PLEKHA7: variants seen among roughly 807,000 people sequenced by gnomAD.
PLEKHA7 encodes pleckstrin homology domain-containing family A member 7.
PLEKHA7 carries 104 observed loss-of-function variants against 170.0 expected under a neutral mutation model. The ratio of observed to expected loss-of-function variants is 0.61; its 90% confidence interval spans 0.52 to 0.72. PLEKHA7 has a LOEUF of 0.72. Ranked by LOEUF, PLEKHA7 falls within the 30% of genes least tolerant of loss-of-function variation. The pLI is 0.00. For synonymous variants in PLEKHA7, 648 were observed against 660.8 expected, an observed-to-expected ratio of 0.98 and a Z score of 0.30; for missense variants, 1,615 against 1,671.7, an observed-to-expected ratio of 0.97 and a Z score of 0.59.
At chr11:16,901,487 C>A (rs1857332251) in intron 3 of PLEKHA7, among the ~76,000 whole-genome samples, 1 of 152,218 alleles carries the variant, frequency 6.6e-6, no homozygotes, top group Non-Finnish European at 1.5e-5. Flanking sequence ...TAAGCATTAT[C>A]CTTCCCAATA....
At chr11:16,998,890 T>C (rs1461026058) in intron 3 of PLEKHA7, among the ~76,000 whole-genome samples, 1 of 151,994 alleles carries the variant, frequency 6.6e-6, no homozygotes, top group African/African-American at 2.4e-5. Context: ...TAGGAAATCA[T>C]TTCTCTTCCC....
rs1848898066 is a variant in PLEKHA7, at chr11:16,805,487, C to A, written c.2008-2192G>T. Among the ~76,000 whole-genome samples, 4 of 151,948 alleles carry A rather than the reference C, an allele frequency of 2.6e-5. No homozygotes were observed. The South Asian group carries it at 8.3e-4, about 32-fold the overall frequency. On this transcript the variant is annotated intron_variant, in intron 13 of 26. Coordinates refer to ENST00000531066, the MANE Select transcript of PLEKHA7 (RefSeq NM_001329630.2). Reference sequence around the variant, plus strand: ...TTCTAAGAAGTAGATTTCTCTTGTCCCTTTTTAAAGTGCTGCTTATCTTGC... The same window carrying A: ...TTCTAAGAAGTAGATTTCTCTTGTCACTTTTTAAAGTGCTGCTTATCTTGC...
intron 3 of PLEKHA7, among the ~76,000 whole-genome samples, chr11:17,010,455 T>C (rs1865259608): frequency 6.6e-6 from 1 of 151,782 alleles, no homozygotes. Context: ...TTAAAACATT[T>C]GCTGGCCAGG....
At chr11:16,829,988 T>A (rs1564976481) in intron 9 of PLEKHA7, among the ~76,000 whole-genome samples, 2 of 151,726 alleles carry the variant, frequency 1.3e-5, no homozygotes, top group Admixed American at 6.6e-5. Context: ...TTTTTTTTTT[T>A]CTTTTTCTGA....
intron 3 of PLEKHA7, among the ~76,000 whole-genome samples, chr11:16,897,611 G>A (rs1214228157): frequency 1.3e-5 from 2 of 152,196 alleles, no homozygotes; most frequent in Admixed American, 6.5e-5. Flanking sequence ...ATTAGGCAGT[G>A]AGGGGGAGGA....
intron 3 of PLEKHA7, among the ~76,000 whole-genome samples, chr11:16,945,896 G>A (rs905974380): frequency 6.6e-6 from 1 of 152,188 alleles, no homozygotes; most frequent in African/African-American, 2.4e-5. Context: ...TTCACTCTCT[G>A]GCCTCAAAGG....
intron 9 of PLEKHA7, among the ~76,000 whole-genome samples, chr11:16,838,514 T>TAAA (rs56823340): frequency 0.053 from 6,754 of 128,284 alleles, 626 homozygotes; most frequent in African/African-American, 0.19. Context: ...CTCTGTGTCT[T>TAAA]AAAAAAAAAA....
intron 3 of PLEKHA7, among the ~76,000 whole-genome samples, chr11:16,985,064 G>C (rs533269135): frequency 6.6e-6 from 1 of 152,170 alleles, no homozygotes; most frequent in Non-Finnish European, 1.5e-5. Context: ...GGGTGCCAGC[G>C]GGCTGGGCAC....
rs141857096 is a variant in PLEKHA7, at chr11:16,813,104, G to A, written c.2007+9C>T. 6.2e-6 allele frequency: 10 copies of A among 1,611,836 alleles called. No individual in the cohort carries two copies. The East Asian group carries it at 2.2e-4, about 36-fold the overall frequency. On this transcript the variant is annotated intron_variant, in intron 13 of 26. Transcript: ENST00000531066. ...ATGCAAGGAAGGCAGGAACCCTGAT[G>A]TCACTTACCTTTAGATCCAGGTACT...
At chr11:16,795,291 T>G in intron 17 of PLEKHA7, 3 of 422,330 alleles carry the variant, frequency 7.1e-6, no homozygotes, top group Non-Finnish European at 8.7e-6. Context: ...CACTGTGCCA[T>G]TCCGCTAAAA....
chr11:16,917,809 C>A (rs1043081995), intron 3 of PLEKHA7, among the ~76,000 whole-genome samples: 1 of 152,246 alleles, frequency 6.6e-6, no homozygotes, highest in Non-Finnish European at 1.5e-5. Flanking sequence ...ATAGCACTTA[C>A]CACATGGCAG....
chr11:17,000,394 A>T (rs1252984437), intron 3 of PLEKHA7, among the ~76,000 whole-genome samples: 1 of 152,186 alleles, frequency 6.6e-6, no homozygotes, highest in Non-Finnish European at 1.5e-5. Flanking sequence ...ACACTCCTCA[A>T]GAAACCTGTT....
chr11:16,910,528 G>C (rs59258722), intron 3 of PLEKHA7, among the ~76,000 whole-genome samples: 2 of 152,170 alleles, frequency 1.3e-5, no homozygotes, highest in Non-Finnish European at 2.9e-5. Context: ...AATGTCATGG[G>C]ATACCACTAG....
chr11:16,875,331 T>G (rs1855195806), intron 3 of PLEKHA7, among the ~76,000 whole-genome samples: 1 of 151,594 alleles, frequency 6.6e-6, no homozygotes, highest in African/African-American at 2.4e-5. Context: ...TTCCAGGTTA[T>G]GGGATGTTAC....
chr11:16,779,328 T>C (rs535070722), intron 26 of PLEKHA7, among the ~76,000 whole-genome samples: 109 of 152,386 alleles, frequency 7.2e-4, no homozygotes, highest in African/African-American at 2.1e-3. Flanking sequence ...TGGGTAGCGC[T>C]CTTGGCCTCT....
At chr11:16,959,069 T>A (rs1332109538) in intron 3 of PLEKHA7, among the ~76,000 whole-genome samples, 1 of 152,218 alleles carries the variant, frequency 6.6e-6, no homozygotes, top group Non-Finnish European at 1.5e-5. Context: ...CACTGTTGTT[T>A]CGTTTTTTGT....
rs1848610120 is a variant in PLEKHA7 at position 16,801,753 on chromosome 11, T to G, written c.2222A>C (p.Gln741Pro). 1 of 1,614,070 alleles carries G rather than the reference T, an allele frequency of 6.2e-7. No individual in the cohort carries two copies. The highest frequency in any genetic ancestry group is 2.2e-5 in the East Asian group (1 of 44,886). Residue 741 changes from glutamine (Q) to proline (P), a missense_variant, in exon 16 of 27, where the codon CAG becomes CCG. By Grantham distance (76) the Gln-to-Pro change is moderately conservative. Transcript: ENST00000531066. ...CTGGTAGGCAATCTTCTCCAAGTGC[T>G]GGGGCTGGTCTCGGTACTGCTCCAT... is the stretch of plus-strand genomic sequence containing the variant. ...RQMEQYRDQP[Q>P]HLEKIAYQQK...
intron 9 of PLEKHA7, 148 bp downstream of exon 9, chr11:16,841,399 T>A: frequency 1.2e-6 from 1 of 837,386 alleles, no homozygotes; most frequent in Non-Finnish European, 1.8e-6. Context: ...CAGGCCTTAG[T>A]GTTTTTGTTT....
At chr11:16,975,609 C>T (rs1863011138) in intron 3 of PLEKHA7, among the ~76,000 whole-genome samples, 2 of 152,016 alleles carry the variant, frequency 1.3e-5, no homozygotes, top group African/African-American at 4.8e-5. Context: ...CCAATGGATG[C>T]CGAGAGAGAA....
Sources: gnomAD v4.1 joint callset for allele counts (sites outside exome capture counted in the v4.1 genomes callset) on GRCh38, gnomAD v4.1.1 for gene constraint, MANE v1.5 for transcripts, NCBI Gene and HGNC (gene_info 2026-07-23, HGNC 2026-07-21) for gene names.